UBE4B: variants seen among roughly 807,000 people sequenced by gnomAD.
UBE4B encodes the protein ubiquitination factor E4B.
Under a neutral mutation model 148.1 loss-of-function variants are expected in UBE4B, and 27 were observed. That is an observed-to-expected ratio of 0.18 (90% CI 0.13 to 0.25). The LOEUF is 0.25. Among genes scored for constraint, UBE4B ranks in the 10% least tolerant of loss-of-function variants. The pLI is 1.00. For missense variants in UBE4B, 1,170 were observed against 1,662.4 expected (o/e 0.70, Z 5.15); for synonymous variants, 596 against 619.3 (o/e 0.96, Z 0.56).
Position 10,180,835 on chromosome 1 carries a change from C to A in UBE4B, c.*879C>A, listed in dbSNP as rs1383668659. 6.6e-6 allele frequency: 1 copy of A among 152,094 alleles called. No homozygotes were observed. The highest frequency in any genetic ancestry group is 2.4e-5 in the African/African-American group (1 of 41,274). 9.4% of individuals were successfully genotyped at this position (152,094 alleles called of 1,614,324 possible). A position where few individuals can be genotyped will look rare whatever the true frequency, so the allele number is the denominator to read the frequency against. On this transcript the variant is annotated 3_prime_UTR_variant, in exon 28 of 28. Coordinates refer to ENST00000343090, the MANE Select transcript of UBE4B (RefSeq NM_001105562.3). The stretch of plus-strand genomic sequence containing the variant: ...TTAATGCTACGTGACAGTTTGAAAC[C>A]TTCACAGTTATCCTCTGGGGGTAAA...
chr1:10,161,436 G>C lies in UBE4B; in HGVS notation c.3198+150G>C. ...TTCCATGAAATCATATTGCAGGATTGGAATAGGAAAATTCTTAAATACCTT... is the reference window on the plus strand; with the variant it reads ...TTCCATGAAATCATATTGCAGGATTCGAATAGGAAAATTCTTAAATACCTT... On this transcript the variant is annotated intron_variant, in intron 23 of 27. Coordinates refer to ENST00000343090, the MANE Select transcript of UBE4B (RefSeq NM_001105562.3). This position sits in a 1 kb window ranked among gnomAD's most constrained non-coding sequence, Gnocchi z 4.1. 3 of 973,988 alleles carry C rather than the reference G, an allele frequency of 3.1e-6. No homozygotes were observed. The South Asian group carries it at 6.6e-5, about 21-fold the overall frequency. The allele number at this position is 973,988 out of a possible 1,614,324, so 60.3% of individuals were successfully genotyped here. A position where few individuals can be genotyped will look rare whatever the true frequency, so the allele number is the denominator to read the frequency against.
At chr1:10,113,436 C>A (rs1257357681) in intron 7 of UBE4B, among the ~76,000 whole-genome samples, 1 of 152,230 alleles carries the variant, frequency 6.6e-6, no homozygotes, top group Non-Finnish European at 1.5e-5. Flanking sequence ...ACACTGAGCT[C>A]TTTTAGCTTT....
chr1:10,064,158 G>A (rs942936257), intron 1 of UBE4B, among the ~76,000 whole-genome samples: 9 of 152,028 alleles, frequency 5.9e-5, no homozygotes, highest in African/African-American at 1.7e-4. Context: ...CTCTGCCGGC[G>A]CTCCTTTGTT....
At chr1:10,040,435 G>C (rs1643712705) in intron 1 of UBE4B, among the ~76,000 whole-genome samples, 1 of 151,878 alleles carries the variant, frequency 6.6e-6, no homozygotes, top group Non-Finnish European at 1.5e-5. Context: ...ATATTTTGTA[G>C]AGACAGGGTC....
chr1:10,039,828 A>T (rs561341847), intron 1 of UBE4B, among the ~76,000 whole-genome samples: 1 of 152,106 alleles, frequency 6.6e-6, no homozygotes, highest in South Asian at 2.1e-4. Flanking sequence ...AGTTTGGGAG[A>T]AGGTGGCTGC....
chr1:10,174,577 CTGTA>C (rs1646388433), intron 25 of UBE4B, among the ~76,000 whole-genome samples: 2 of 150,694 alleles, frequency 1.3e-5, no homozygotes, highest in South Asian at 4.2e-4. Flanking sequence ...TGGTGTGCGC[CTGTA>C]ATCCCAGCTA....
chr1:10,074,469 G>A (rs7538285), intron 2 of UBE4B, among the ~76,000 whole-genome samples: 6,861 of 151,730 alleles, frequency 0.045, 499 homozygotes, highest in African/African-American at 0.16. Flanking sequence ...CAAAACCTTT[G>A]CAGCAGAACT....
chr1:10,041,101 AAG>A (rs1165738411), intron 1 of UBE4B, among the ~76,000 whole-genome samples: 6 of 152,194 alleles, frequency 3.9e-5, no homozygotes, highest in Admixed American at 6.5e-5. Flanking sequence ...CATTGTAGAC[AAG>A]AGACAGAGAA....
intron 7 of UBE4B, among the ~76,000 whole-genome samples, chr1:10,116,243 A>G (rs897066512): frequency 1.3e-5 from 2 of 152,126 alleles, no homozygotes; most frequent in Non-Finnish European, 2.9e-5. Context: ...CCCACGGTCA[A>G]GTGATTCTTG....
chr1:10,171,611 G>T (rs1403640534), intron 25 of UBE4B, among the ~76,000 whole-genome samples: 1 of 152,236 alleles, frequency 6.6e-6, no homozygotes, highest in Non-Finnish European at 1.5e-5. Context: ...CAAAAACACG[G>T]TGGCTCACGC....
intron 3 of UBE4B, among the ~76,000 whole-genome samples, chr1:10,099,004 C>T (rs1437773130): frequency 1.3e-5 from 2 of 151,990 alleles, no homozygotes; most frequent in African/African-American, 2.4e-5. Context: ...TTTGGGAGGC[C>T]GAAGCAGACA....
At chr1:10,129,105 C>T (rs1483511747) in intron 11 of UBE4B, 2 of 351,508 alleles carry the variant, frequency 5.7e-6, no homozygotes, top group African/African-American at 4.0e-5. Flanking sequence ...AAAAATATAT[C>T]TGAAAACTGT....
chr1:10,171,073 G>A (rs1048898344), intron 24 of UBE4B, 65 bp from the exon 25 acceptor site: 24 of 1,504,450 alleles, frequency 1.6e-5, no homozygotes, highest in Admixed American at 6.2e-5. Context: ...ACTGAAATGG[G>A]AGTTTTTGGT....
intron 1 of UBE4B, among the ~76,000 whole-genome samples, chr1:10,071,488 C>A (rs568359924): frequency 6.6e-6 from 1 of 151,942 alleles, no homozygotes; most frequent in Non-Finnish European, 1.5e-5. Flanking sequence ...CTTAGGAGGC[C>A]GAGGTGGGAA....
At chr1:10,086,369 A>G (rs1644767450) in intron 2 of UBE4B, among the ~76,000 whole-genome samples, 2 of 152,060 alleles carry the variant, frequency 1.3e-5, no homozygotes, top group African/African-American at 2.4e-5. Flanking sequence ...TGGCCTCCCA[A>G]AGTGTTCAGT....
chr1:10,133,219 T>C (rs1645625227), intron 15 of UBE4B, among the ~76,000 whole-genome samples: 1 of 152,116 alleles, frequency 6.6e-6, no homozygotes, highest in African/African-American at 2.4e-5. Flanking sequence ...AAATAATGAA[T>C]GAATGATGTG....
At chr1:10,129,113 T>G in intron 11 of UBE4B, 1 of 372,308 alleles carries the variant, frequency 2.7e-6, no homozygotes, top group East Asian at 4.0e-5. Flanking sequence ...ATCTGAAAAC[T>G]GTTGCTCAAA....
At position 10,117,528 on chromosome 1, in the gene UBE4B, A is replaced by G. The variant is rs1557569123; in HGVS notation, c.1266A>G (p.Lys422=). The G allele has an allele frequency of 6.2e-7, 1 of 1,613,086 alleles. No individual in the cohort carries two copies. The highest frequency in any genetic ancestry group is 2.2e-5 in the East Asian group (1 of 44,854). Residue 422 remains lysine, a synonymous_variant, in exon 8 of 28, where the codon AAA becomes AAG. Coordinates refer to ENST00000343090, the MANE Select transcript of UBE4B (RefSeq NM_001105562.3). ...YSDHFTIETC[K]ETDMLNYLIE... ...ACCATTTCACCATTGAAACCTGCAA[A>G]GAGACAGATATGCTGAACTACCTCA...
intron 1 of UBE4B, among the ~76,000 whole-genome samples, chr1:10,067,234 T>TCC (rs1332079748): frequency 6.6e-6 from 1 of 152,070 alleles, no homozygotes; most frequent in Non-Finnish European, 1.5e-5. Flanking sequence ...ATATAACAGA[T>TCC]TAGGAGAAAG....
Sources: gnomAD v4.1 joint callset for allele counts (sites outside exome capture counted in the v4.1 genomes callset) on GRCh38, gnomAD v4.1.1 for gene constraint, Gnocchi (gnomAD v3.1) non-coding constraint, MANE v1.5 for transcripts, NCBI Gene and HGNC (gene_info 2026-07-23, HGNC 2026-07-21) for gene names.